Variants in CSMD3 observed in about 807,000 individuals in gnomAD.
CSMD3 encodes the protein CUB and sushi domain-containing protein 3.
CSMD3 carries 177 observed loss-of-function variants against 435.2 expected under a neutral mutation model. That is an observed-to-expected ratio of 0.41 (90% CI 0.36 to 0.46). The LOEUF (loss-of-function observed/expected upper bound fraction) is 0.46. Ranked by LOEUF, CSMD3 falls within the 20% of genes least tolerant of loss-of-function variation. The pLI is 0.34. For synonymous variants in CSMD3, 1,656 were observed against 1,520.5 expected (o/e 1.09, Z -2.07); for missense variants, 4,265 against 4,504.6 (o/e 0.95, Z 1.52).
chr8:112,985,490 G>A (rs928327408), intron 6 of CSMD3, among the ~76,000 whole-genome samples: 6 of 152,202 alleles, frequency 3.9e-5, no homozygotes, highest in African/African-American at 1.4e-4. Context: ...GAATGTTCTT[G>A]CTATAATGTG....
At chr8:112,579,028 G>T (rs753174301) in intron 23 of CSMD3, among the ~76,000 whole-genome samples, 2 of 151,852 alleles carry the variant, frequency 1.3e-5, no homozygotes, top group Non-Finnish European at 2.9e-5. Context: ...TTTTGTGTAT[G>T]CAATTTATGA....
intron 4 of CSMD3, among the ~76,000 whole-genome samples, chr8:113,139,864 G>C (rs968359256): frequency 1.3e-5 from 2 of 150,966 alleles, no homozygotes; most frequent in Non-Finnish European, 3.0e-5. Flanking sequence ...AATAGAAAAA[G>C]CAGTATCATG....
chr8:112,670,367 T>C (rs1036688176), intron 16 of CSMD3, among the ~76,000 whole-genome samples: 5 of 152,076 alleles, frequency 3.3e-5, no homozygotes, highest in Admixed American at 6.6e-5. Context: ...ACCACGGCAA[T>C]TGAAAAATTG....
In CSMD3 at chr8:113,284,699, G is replaced by T. The variant is rs536848707; in HGVS notation, c.402-5995C>A. Among the ~76,000 whole-genome samples, 4 of 152,136 alleles carry T rather than the reference G, an allele frequency of 2.6e-5. No individual in the cohort carries two copies. In the South Asian group the frequency reaches 6.2e-4, roughly 24 times the overall value. The stretch of plus-strand genomic sequence containing the variant: ...AACATGTTTTCTAGGTAATTTAAAA[G>T]CATACTATTTTATAGATAAGTATGC... On this transcript the variant is annotated intron_variant, in intron 2 of 70. Coordinates refer to ENST00000297405, the MANE Select transcript of CSMD3 (RefSeq NM_198123.2).
chr8:112,596,501 C>T (rs1430897869), intron 22 of CSMD3, among the ~76,000 whole-genome samples: 3 of 152,148 alleles, frequency 2.0e-5, no homozygotes, highest in Non-Finnish European at 4.4e-5. Flanking sequence ...GAACTCAGCT[C>T]TGCACCAAGC....
At chr8:112,833,657 T>A (rs1043291675) in intron 11 of CSMD3, among the ~76,000 whole-genome samples, 4 of 151,764 alleles carry the variant, frequency 2.6e-5, no homozygotes, top group African/African-American at 4.8e-5. Flanking sequence ...TGTACCTCAT[T>A]TAAGAGGGAA....
At chr8:112,251,921 T>TA (rs1203569223) in intron 63 of CSMD3, among the ~76,000 whole-genome samples, 1 of 151,864 alleles carries the variant, frequency 6.6e-6, no homozygotes, top group Non-Finnish European at 1.5e-5. Context: ...CAATTTACAA[T>TA]ATTTTAATAC....
At chr8:113,402,155 C>G (rs998895440) in intron 1 of CSMD3, among the ~76,000 whole-genome samples, 3 of 151,252 alleles carry the variant, frequency 2.0e-5, no homozygotes, top group Admixed American at 6.6e-5. Flanking sequence ...TTTTGAGTCA[C>G]TATCTTAAAT....
At chr8:113,182,778 T>C (rs2092441451) in intron 3 of CSMD3, among the ~76,000 whole-genome samples, 1 of 152,030 alleles carries the variant, frequency 6.6e-6, no homozygotes, top group Admixed American at 6.6e-5. Context: ...AAATATTGAA[T>C]TAGAGGCTAC....
At chr8:113,266,709 GATTT>G (rs912605485) in intron 3 of CSMD3, among the ~76,000 whole-genome samples, 3 of 151,560 alleles carry the variant, frequency 2.0e-5, no homozygotes, top group Admixed American at 6.6e-5. Context: ...ATGTGAGAAT[GATTT>G]ATTAGCAAAT....
intron 10 of CSMD3, among the ~76,000 whole-genome samples, chr8:112,884,660 A>G (rs2081541012): frequency 6.6e-6 from 1 of 151,356 alleles, no homozygotes; most frequent in African/African-American, 2.4e-5. Flanking sequence ...AAGAGCCACT[A>G]ATTTAGGGGG....
At chr8:112,807,810 A>G (rs1275960602) in intron 12 of CSMD3, among the ~76,000 whole-genome samples, 1 of 152,200 alleles carries the variant, frequency 6.6e-6, no homozygotes, top group East Asian at 1.9e-4. Context: ...TTTTAATACA[A>G]GAAACTTTTG....
chr8:113,106,875 T>C (rs1407090361), intron 4 of CSMD3, among the ~76,000 whole-genome samples: 1 of 87,674 alleles, frequency 1.1e-5, no homozygotes, highest in Non-Finnish European at 2.0e-5. Context: ...AATAGCTTTA[T>C]TGAGATATAA....
At chr8:112,875,107 G>C in intron 10 of CSMD3, among the ~76,000 whole-genome samples, 1 of 152,034 alleles carries the variant, frequency 6.6e-6, no homozygotes, top group East Asian at 1.9e-4. Flanking sequence ...TTGTAAATCA[G>C]GCCTCATGGT....
intron 61 of CSMD3, among the ~76,000 whole-genome samples, chr8:112,258,201 A>T (rs555650981): frequency 6.6e-6 from 1 of 152,346 alleles, no homozygotes; most frequent in South Asian, 2.1e-4. Context: ...AGACAATACC[A>T]ATCAGGACAT....
chr8:113,095,319 C>T (rs1335637338), intron 5 of CSMD3, among the ~76,000 whole-genome samples: 2 of 152,122 alleles, frequency 1.3e-5, no homozygotes, highest in East Asian at 3.8e-4. Context: ...CTTGCTCCTA[C>T]TTTCTTTTTA....
chr8:113,100,959 T>A (rs1265593388), intron 4 of CSMD3, among the ~76,000 whole-genome samples: 1 of 152,098 alleles, frequency 6.6e-6, no homozygotes, highest in African/African-American at 2.4e-5. Context: ...CTTGTTTCCC[T>A]GCTAGTATTT....
At chr8:112,934,502 C>A (rs905613333) in intron 9 of CSMD3, among the ~76,000 whole-genome samples, 1 of 152,130 alleles carries the variant, frequency 6.6e-6, no homozygotes, top group Non-Finnish European at 1.5e-5. Context: ...TAATATATTC[C>A]TTTCAATGAC....
intron 18 of CSMD3, among the ~76,000 whole-genome samples, chr8:112,653,105 C>T (rs1322851275): frequency 4.6e-5 from 7 of 152,170 alleles, no homozygotes; most frequent in Admixed American, 3.3e-4. Context: ...CTTTAGTCAT[C>T]GTGCCCAGCT....
Sources: gnomAD v4.1 joint callset for allele counts (sites outside exome capture counted in the v4.1 genomes callset) on GRCh38, gnomAD v4.1.1 for gene constraint, MANE v1.5 for transcripts, NCBI Gene and HGNC (gene_info 2026-07-23, HGNC 2026-07-21) for gene names.